The following PTPRD variants were observed in gnomAD, a reference collection of about 807,000 sequenced individuals.
PTPRD encodes the protein protein tyrosine phosphatase receptor type D, also known as receptor-type tyrosine-protein phosphatase delta.
A neutral mutation model predicts 214.5 loss-of-function variants in PTPRD; 34 were observed. That is an observed-to-expected ratio of 0.16 (90% CI 0.12 to 0.21). The LOEUF (loss-of-function observed/expected upper bound fraction) is 0.21. Among genes scored for constraint, PTPRD ranks in the 10% least tolerant of loss-of-function variants. The pLI, the probability that PTPRD is intolerant of heterozygous loss-of-function variation, is 1.00. For missense variants in PTPRD, 2,545 were observed against 2,398.7 expected (o/e 1.06, Z -1.27); for synonymous variants, 1,128 against 845.7 (o/e 1.33, Z -5.79).
intron 3 of PTPRD, among the ~76,000 whole-genome samples, chr9:10,088,520 A>C (rs974306127): frequency 6.6e-6 from 1 of 151,804 alleles, no homozygotes; most frequent in African/African-American, 2.4e-5. Context: ...TGAGTCCTAT[A>C]GTTTATTAGT....
At chr9:8,676,394 T>A (rs1244679278) in intron 12 of PTPRD, among the ~76,000 whole-genome samples, 1 of 150,674 alleles carries the variant, frequency 6.6e-6, no homozygotes, top group Admixed American at 6.6e-5. Context: ...TTTTTTTTTT[T>A]TTTTTTTAGA....
intron 7 of PTPRD, among the ~76,000 whole-genome samples, chr9:9,632,549 C>T (rs1430759176): frequency 6.6e-6 from 1 of 151,682 alleles, no homozygotes; most frequent in Non-Finnish European, 1.5e-5. Flanking sequence ...GCAAATGGTG[C>T]ACTTGGTATG....
At chr9:8,949,231 G>C (rs1808696) in intron 11 of PTPRD, among the ~76,000 whole-genome samples, 1 of 146,888 alleles carries the variant, frequency 6.8e-6, no homozygotes. Context: ...CTCAAAAAAA[G>C]AAAAAAAAGA....
At chr9:10,271,877 T>C (rs1439723570) in intron 3 of PTPRD, among the ~76,000 whole-genome samples, 1 of 152,106 alleles carries the variant, frequency 6.6e-6, no homozygotes, top group Non-Finnish European at 1.5e-5. Context: ...AATTCTTCTT[T>C]GATTTTTTTT....
chr9:9,439,219 G>A (rs1006594760), intron 8 of PTPRD, among the ~76,000 whole-genome samples: 21 of 152,014 alleles, frequency 1.4e-4, no homozygotes, highest in African/African-American at 5.1e-4. Flanking sequence ...ATAGAAGTTT[G>A]AAGCATAAGA....
chr9:9,259,466 T>C (rs778402069), intron 9 of PTPRD, among the ~76,000 whole-genome samples: 1 of 151,896 alleles, frequency 6.6e-6, no homozygotes, highest in Non-Finnish European at 1.5e-5. Flanking sequence ...CATGTGTAAG[T>C]GTAAAGCCTT....
At chr9:9,507,597 T>C (rs1590164596) in intron 8 of PTPRD, among the ~76,000 whole-genome samples, 1 of 151,516 alleles carries the variant, frequency 6.6e-6, no homozygotes, top group African/African-American at 2.4e-5. Context: ...ATGAATGTTT[T>C]ATATTTTACA....
At chr9:9,294,464 A>T (rs932711087) in intron 9 of PTPRD, among the ~76,000 whole-genome samples, 2 of 151,704 alleles carry the variant, frequency 1.3e-5, no homozygotes, top group Non-Finnish European at 2.9e-5. Flanking sequence ...AACCTCTGAC[A>T]CCCTGTAGGG....
chr9:8,598,854 T>C (rs560915417), intron 14 of PTPRD, among the ~76,000 whole-genome samples: 7 of 152,310 alleles, frequency 4.6e-5, no homozygotes, highest in African/African-American at 1.4e-4. Context: ...ATCCCAAGTC[T>C]AGACATTTCA....
intron 2 of PTPRD, among the ~76,000 whole-genome samples, chr9:10,556,106 G>T (rs2062525326): frequency 6.6e-6 from 1 of 151,934 alleles, no homozygotes; most frequent in Non-Finnish European, 1.5e-5. Context: ...ATCCTAAAAA[G>T]TTATCTGAGA....
At chr9:9,954,309 A>AG (rs1566685791) in intron 4 of PTPRD, among the ~76,000 whole-genome samples, 1 of 144,038 alleles carries the variant, frequency 6.9e-6, no homozygotes, top group Non-Finnish European at 1.6e-5. Context: ...AAAAAAAAAA[A>AG]AAAAAAAAAA....
At chr9:10,340,449 G>T (rs1327988184) in intron 3 of PTPRD, among the ~76,000 whole-genome samples, 1 of 151,738 alleles carries the variant, frequency 6.6e-6, no homozygotes, top group East Asian at 1.9e-4. Context: ...TATACTATTT[G>T]TATTGGTCTC....
At chr9:8,482,897 A>G (rs1319306470) in intron 30 of PTPRD, among the ~76,000 whole-genome samples, 1 of 148,562 alleles carries the variant, frequency 6.7e-6, no homozygotes. Flanking sequence ...TTTATCCCTT[A>G]AGATTTAAGT....
chr9:9,581,333 G>A (rs1246110886), intron 7 of PTPRD, among the ~76,000 whole-genome samples: 2 of 152,112 alleles, frequency 1.3e-5, no homozygotes, highest in Admixed American at 6.6e-5. Flanking sequence ...TAAATTGTAG[G>A]TAATATAAGA....
intron 9 of PTPRD, among the ~76,000 whole-genome samples, chr9:9,234,471 T>C (rs557301410): frequency 1.3e-5 from 2 of 152,314 alleles, no homozygotes; most frequent in East Asian, 3.9e-4. Flanking sequence ...GTGATTAACA[T>C]TTGGTTCCTC....
chr9:9,219,758 G>A (rs770404636), intron 9 of PTPRD, among the ~76,000 whole-genome samples: 21 of 151,604 alleles, frequency 1.4e-4, no homozygotes, highest in Middle Eastern at 3.4e-3. Context: ...AGGTGGATCA[G>A]AATTCTAACC....
At chr9:9,765,683 C>T (rs181942420) in intron 6 of PTPRD, among the ~76,000 whole-genome samples, 99 of 152,270 alleles carry the variant, frequency 6.5e-4, no homozygotes, top group Middle Eastern at 3.4e-3. Flanking sequence ...ATTTTTGAGA[C>T]GGAGTCTCGC....
At chr9:9,450,308 G>C (rs941912152) in intron 8 of PTPRD, among the ~76,000 whole-genome samples, 1 of 151,942 alleles carries the variant, frequency 6.6e-6, no homozygotes, top group Non-Finnish European at 1.5e-5. Flanking sequence ...GGATCAAATG[G>C]TAGTTCTACT....
At chr9:10,484,446 T>A (rs2132332700) in intron 2 of PTPRD, among the ~76,000 whole-genome samples, 2 of 152,096 alleles carry the variant, frequency 1.3e-5, no homozygotes, top group South Asian at 4.2e-4. Flanking sequence ...TCTTAAAGAT[T>A]TTTAAGGACC....
Sources: allele counts gnomAD v4.1 joint callset (sites outside exome capture counted in the v4.1 genomes callset), GRCh38; gene constraint gnomAD v4.1.1; transcripts MANE v1.5; gene names NCBI Gene and HGNC (gene_info 2026-07-23, HGNC 2026-07-21).